TTLL5: variants seen among roughly 807,000 people sequenced by gnomAD.
TTLL5 encodes the protein tubulin polyglutamylase TTLL5.
TTLL5 carries 132 observed loss-of-function variants against 168.4 expected under a neutral mutation model. That is an observed-to-expected ratio of 0.78 (90% confidence interval 0.68 to 0.91). TTLL5 has a LOEUF of 0.91. TTLL5 is among the 40% of genes least tolerant of loss of function. The probability of loss-of-function intolerance (pLI) is 0.00; values close to 1 mark genes in which losing one functional copy is unlikely to be tolerated. For missense variants in TTLL5, 1,545 were observed against 1,581.5 expected (o/e 0.98, Z 0.39); for synonymous variants, 546 against 558.6 (o/e 0.98, Z 0.32).
rs1299969424 is a variant in TTLL5 at position 75,766,075 on chromosome 14, A to G, written c.1722A>G (p.Pro574=). 1.2e-6 allele frequency: 2 copies of G among 1,611,204 alleles called. No homozygotes were observed. Among genetic ancestry groups the G allele is most frequent in the East Asian group, 2.2e-5 (1 of 44,824 alleles). Residue 574 remains proline (P), a synonymous_variant, in exon 20 of 32, where the codon CCA becomes CCG. Transcript: ENST00000298832. ...MRPKYPVITQ[P]AEMNVKTETE... ...CTTCGTATTTAGTGATTACCCAACCAGCTGAAATGAATGTTAAAACTGAGA... is the reference window on the plus strand; with the variant it reads ...CTTCGTATTTAGTGATTACCCAACCGGCTGAAATGAATGTTAAAACTGAGA...
intron 12 of TTLL5, among the ~76,000 whole-genome samples, chr14:75,726,935 A>G (rs945060087): frequency 2.0e-5 from 3 of 152,224 alleles, no homozygotes; most frequent in Non-Finnish European, 2.9e-5. Context: ...GGAATACAGT[A>G]CAATATTACT....
At chr14:75,672,809 T>G (rs1883848092) in intron 3 of TTLL5, among the ~76,000 whole-genome samples, 1 of 152,238 alleles carries the variant, frequency 6.6e-6, no homozygotes, top group Admixed American at 6.5e-5. Flanking sequence ...CATAGTATTC[T>G]TTTACAATCC....
intron 28 of TTLL5, among the ~76,000 whole-genome samples, chr14:75,831,339 A>G (rs901197035): frequency 3.9e-5 from 6 of 152,174 alleles, no homozygotes; most frequent in Non-Finnish European, 7.4e-5. Context: ...TGCCTTGGGA[A>G]TCTCACAAGA....
chr14:75,795,986 A>G lies in TTLL5; in HGVS notation c.3171+2886A>G, dbSNP rs143422599. Among the ~76,000 whole-genome samples the G allele has an allele frequency of 3.9e-5, 6 of 152,290 alleles. No homozygotes were observed. In the East Asian group the frequency reaches 1.2e-3, roughly 29 times the overall value. ...TGGATCAAATGGTAGATCTACTTTT[A>G]GTTCTTTAAGGAATCTCCATAGTGT... On this transcript the variant is annotated intron_variant, in intron 27 of 31. Coordinates refer to ENST00000298832, the MANE Select transcript of TTLL5 (RefSeq NM_015072.5).
chr14:75,901,509 C>T (rs1307156534), intron 30 of TTLL5, among the ~76,000 whole-genome samples: 1 of 152,190 alleles, frequency 6.6e-6, no homozygotes, highest in East Asian at 1.9e-4. Context: ...ATTTCTCAGT[C>T]TTGCGATTAT....
intron 29 of TTLL5, among the ~76,000 whole-genome samples, chr14:75,873,958 A>T (rs1356669288): frequency 6.6e-6 from 1 of 152,248 alleles, no homozygotes; most frequent in African/African-American, 2.4e-5. Context: ...GCACATTTTT[A>T]AAACTAATAG....
intron 20 of TTLL5, among the ~76,000 whole-genome samples, chr14:75,766,653 T>A (rs567741625): frequency 1.3e-5 from 2 of 152,300 alleles, no homozygotes; most frequent in South Asian, 4.1e-4. Flanking sequence ...CTCAAGCAGC[T>A]CGTCGTTTAG....
At chr14:75,814,253 G>A (rs902472900) in intron 27 of TTLL5, among the ~76,000 whole-genome samples, 1 of 152,162 alleles carries the variant, frequency 6.6e-6, no homozygotes, top group African/African-American at 2.4e-5. Flanking sequence ...TTTTGTGAGT[G>A]GTGCTGTCTC....
chr14:75,717,736 A>G (rs1376386963), intron 9 of TTLL5, 125 bp from the exon 10 acceptor site: 1 of 815,050 alleles, frequency 1.2e-6, no homozygotes, highest in Non-Finnish European at 2.0e-6. Flanking sequence ...AGCACTTAGT[A>G]GGCACTTGGT....
intron 31 of TTLL5, among the ~76,000 whole-genome samples, chr14:75,926,898 T>C (rs968199420): frequency 1.2e-4 from 19 of 152,120 alleles, no homozygotes; most frequent in African/African-American, 4.6e-4. Context: ...TAGCCAAAAA[T>C]GTGGAAACAA....
rs776388722 is a variant in TTLL5 at position 75,735,272 on chromosome 14, C to G, written c.1264C>G (p.Pro422Ala). The G allele has an allele frequency of 6.2e-7, 1 of 1,614,072 alleles. No homozygotes were observed. The highest frequency in any genetic ancestry group is 1.3e-5 in the African/African-American group (1 of 74,946). Residue 422 changes from proline to alanine, a missense_variant, in exon 15 of 32, where the codon CCT becomes GCT. Physicochemically the swap from Pro to Ala is conservative, Grantham distance 27. Transcript: ENST00000298832. ...CACCTTTGAGTCTTCCAGGCGAAAC[C>G]CTTTCCAGAAACCTCAGGTAAGCCA... ...YPTFESSRRN[P>A]FQKPQRCRPL...
At chr14:75,918,376 A>C (rs1409234874) in intron 31 of TTLL5, among the ~76,000 whole-genome samples, 2 of 152,152 alleles carry the variant, frequency 1.3e-5, no homozygotes, top group African/African-American at 4.8e-5. Context: ...TTTTCTTTCC[A>C]GAGACTCCAC....
intron 16 of TTLL5, 45 bp downstream of exon 16, chr14:75,745,253 T>A (rs1425065718): frequency 4.0e-6 from 6 of 1,516,386 alleles, no homozygotes; most frequent in Non-Finnish European, 5.5e-6. Context: ...AACACAGGGT[T>A]TAGTGAAAAT....
intron 7 of TTLL5, among the ~76,000 whole-genome samples, chr14:75,702,873 G>A (rs1469473942): frequency 6.6e-6 from 1 of 152,172 alleles, no homozygotes; most frequent in African/African-American, 2.4e-5. Context: ...GAGGATGCCA[G>A]GAGGCATGAG....
At chr14:75,953,275 A>G (rs1210805469) in intron 31 of TTLL5, among the ~76,000 whole-genome samples, 1 of 152,242 alleles carries the variant, frequency 6.6e-6, no homozygotes, top group African/African-American at 2.4e-5. Flanking sequence ...TGGAGAAGTG[A>G]GGATGCTCAT....
At chr14:75,802,269 A>G (rs1057422585) in intron 27 of TTLL5, among the ~76,000 whole-genome samples, 4 of 151,874 alleles carry the variant, frequency 2.6e-5, no homozygotes, top group African/African-American at 9.7e-5. Context: ...TAAATGCTTC[A>G]TTTATTTTCA....
chr14:75,924,835 G>C (rs1172911560), intron 31 of TTLL5, among the ~76,000 whole-genome samples: 1 of 151,974 alleles, frequency 6.6e-6, no homozygotes, highest in African/African-American at 2.4e-5. Context: ...GGGCAGAGGA[G>C]CTCCCCACAT....
intron 28 of TTLL5, 120 bp downstream of exon 28, chr14:75,820,281 A>C (rs1595096531): frequency 2.5e-5 from 27 of 1,064,982 alleles, no homozygotes; most frequent in Admixed American, 1.2e-4. Context: ...CCCTTTCTCC[A>C]CCTGCCTCGA....
chr14:75,863,994 A>G, intron 29 of TTLL5, 132 bp downstream of exon 29: 1 of 929,954 alleles, frequency 1.1e-6, no homozygotes, highest in African/African-American at 1.7e-5. Context: ...TGGCTTGGAC[A>G]GCTCATGGGG....
Sources: gnomAD v4.1 joint callset for allele counts (sites outside exome capture counted in the v4.1 genomes callset) on GRCh38, gnomAD v4.1.1 for gene constraint, MANE v1.5 for transcripts, NCBI Gene and HGNC (gene_info 2026-07-23, HGNC 2026-07-21) for gene names.